TAFA1: variants seen among roughly 807,000 people sequenced by gnomAD.
TAFA1 encodes the protein chemokine-like protein TAFA-1.
A neutral mutation model predicts 18.5 loss-of-function variants in TAFA1; 4 were observed. The ratio of observed to expected loss-of-function variants is 0.22; its 90% CI spans 0.11 to 0.49. TAFA1 has a LOEUF of 0.49. Ranked by LOEUF, TAFA1 falls within the 20% of genes least tolerant of loss-of-function variation. TAFA1 has a pLI of 0.98. For synonymous variants in TAFA1, 56 were observed against 55.2 expected (o/e 1.01, Z -0.06); for missense variants, 147 against 169.0 (o/e 0.87, Z 0.72).
intron 2 of TAFA1, among the ~76,000 whole-genome samples, chr3:68,084,749 G>T (rs1559514324): frequency 6.7e-6 from 1 of 149,980 alleles, no homozygotes; most frequent in African/African-American, 2.5e-5. Flanking sequence ...AGCGAGCCGA[G>T]ATAGCGCCAT....
chr3:68,500,883 G>A (rs1393530188), intron 3 of TAFA1, among the ~76,000 whole-genome samples: 1 of 151,870 alleles, frequency 6.6e-6, no homozygotes, highest in East Asian at 1.9e-4. Flanking sequence ...GGGGGAAAAT[G>A]GGCCAGGCAT....
intron 2 of TAFA1, among the ~76,000 whole-genome samples, chr3:68,379,246 C>T (rs1263340522): frequency 6.6e-6 from 1 of 152,120 alleles, no homozygotes; most frequent in Non-Finnish European, 1.5e-5. Context: ...ATTTCCCTTT[C>T]CCTAATGATC....
chr3:68,431,114 A>G (rs961926095), intron 3 of TAFA1, among the ~76,000 whole-genome samples: 3 of 151,826 alleles, frequency 2.0e-5, no homozygotes, highest in Non-Finnish European at 4.4e-5. Context: ...CCTCTATAAC[A>G]CCTATACCAA....
intron 2 of TAFA1, among the ~76,000 whole-genome samples, chr3:68,241,637 A>G (rs1371103837): frequency 3.3e-5 from 5 of 152,122 alleles, no homozygotes; most frequent in Non-Finnish European, 5.9e-5. Context: ...TTTCCTCTGA[A>G]TTGGATCATC....
At chr3:68,268,514 G>C (rs1344212681) in intron 2 of TAFA1, among the ~76,000 whole-genome samples, 1 of 151,970 alleles carries the variant, frequency 6.6e-6, no homozygotes, top group Non-Finnish European at 1.5e-5. Flanking sequence ...TTTTTGATGG[G>C]TATTATCATC....
At chr3:68,399,325 C>T (rs995216714) in intron 2 of TAFA1, among the ~76,000 whole-genome samples, 2 of 152,104 alleles carry the variant, frequency 1.3e-5, no homozygotes, top group Admixed American at 6.6e-5. Context: ...TTGCTGAGCC[C>T]AGGAGATTTC....
chr3:68,453,049 T>G (rs1034585396), intron 3 of TAFA1, among the ~76,000 whole-genome samples: 1 of 152,198 alleles, frequency 6.6e-6, no homozygotes, highest in East Asian at 1.9e-4. Flanking sequence ...GCTTTTTTCC[T>G]TGCTGCTATA....
At chr3:68,536,481 G>C (rs138217361) in intron 3 of TAFA1, among the ~76,000 whole-genome samples, 1 of 152,082 alleles carries the variant, frequency 6.6e-6, no homozygotes, top group South Asian at 2.1e-4. Context: ...GAGGGTTCTC[G>C]TCCCGTGTAA....
chr3:68,235,783 G>T (rs1042001115), intron 2 of TAFA1, among the ~76,000 whole-genome samples: 2 of 152,078 alleles, frequency 1.3e-5, no homozygotes, highest in African/African-American at 4.8e-5. Flanking sequence ...CTTAAAACTG[G>T]CCGAGTGCAA....
intron 2 of TAFA1, among the ~76,000 whole-genome samples, chr3:68,072,799 T>C (rs1455134271): frequency 6.6e-6 from 1 of 152,154 alleles, no homozygotes; most frequent in Non-Finnish European, 1.5e-5. Context: ...TTGGACATTA[T>C]GGATGTGAAG....
At chr3:68,493,440 T>C (rs2072489858) in intron 3 of TAFA1, among the ~76,000 whole-genome samples, 1 of 152,236 alleles carries the variant, frequency 6.6e-6, no homozygotes, top group East Asian at 1.9e-4. Context: ...ATAATGCTGC[T>C]ATGCACATGG....
chr3:68,388,762 A>G (rs1208291735), intron 2 of TAFA1, among the ~76,000 whole-genome samples: 2 of 151,466 alleles, frequency 1.3e-5, no homozygotes, highest in Admixed American at 1.3e-4. Context: ...ATTTATGGCC[A>G]TCTGATTTTT....
chr3:68,308,576 T>A (rs1311589067), intron 2 of TAFA1, among the ~76,000 whole-genome samples: 3 of 152,172 alleles, frequency 2.0e-5, no homozygotes, highest in Non-Finnish European at 2.9e-5. Flanking sequence ...TCTTATTTAC[T>A]ACTTTGTTCA....
chr3:68,319,261 A>G (rs1016153207), intron 2 of TAFA1, among the ~76,000 whole-genome samples: 1 of 152,236 alleles, frequency 6.6e-6, no homozygotes, highest in African/African-American at 2.4e-5. Context: ...GAGAACAGTC[A>G]CAACCAAGGA....
intron 2 of TAFA1, among the ~76,000 whole-genome samples, chr3:68,241,162 C>T (rs2066994157): frequency 6.6e-6 from 1 of 151,866 alleles, no homozygotes; most frequent in Non-Finnish European, 1.5e-5. Context: ...ATTAGGGTTG[C>T]AAAATAGTAC....
At chr3:68,289,108 A>C (rs959403143) in intron 2 of TAFA1, among the ~76,000 whole-genome samples, 1 of 152,212 alleles carries the variant, frequency 6.6e-6, no homozygotes, top group Non-Finnish European at 1.5e-5. Context: ...AAGAAATAGT[A>C]TATTTTTAAG....
chr3:68,462,318 G>A (rs1245377055), intron 3 of TAFA1, among the ~76,000 whole-genome samples: 3 of 152,044 alleles, frequency 2.0e-5, no homozygotes, highest in South Asian at 2.1e-4. Context: ...AGGGGTAATC[G>A]AATCATGGGG....
chr3:68,416,125 TG>T (rs1394538499), intron 2 of TAFA1, among the ~76,000 whole-genome samples: 1 of 152,068 alleles, frequency 6.6e-6, no homozygotes, highest in Non-Finnish European at 1.5e-5. Context: ...GCTATTATTA[TG>T]GGGGAGGGAG....
chr3:68,111,407 C>A (rs542062250), intron 2 of TAFA1, among the ~76,000 whole-genome samples: 267 of 151,918 alleles, frequency 1.8e-3, no homozygotes, highest in African/African-American at 6.1e-3. Context: ...TGATTTTTGA[C>A]AATAATACCC....
Sources: allele counts gnomAD v4.1 joint callset (sites outside exome capture counted in the v4.1 genomes callset), GRCh38; gene constraint gnomAD v4.1.1; transcripts MANE v1.5; gene names NCBI Gene and HGNC (gene_info 2026-07-23, HGNC 2026-07-21).